The following LYPLAL1 variants were observed in gnomAD, a reference collection of about 807,000 sequenced individuals.
LYPLAL1 encodes the protein lysophospholipase-like protein 1.
Under a neutral mutation model 19.7 loss-of-function variants are expected in LYPLAL1, and 23 were observed. The ratio of observed to expected loss-of-function variants is 1.17; its 90% CI spans 0.84 to 1.65. The LOEUF (loss-of-function observed/expected upper bound fraction) is 1.65, where lower values mean the gene tolerates loss of function less well. Ranked by LOEUF, LYPLAL1 falls within the 40% of genes most tolerant of loss-of-function variation. The pLI is 0.00. For synonymous variants in LYPLAL1, 119 were observed against 96.3 expected, an observed-to-expected ratio of 1.24 and a Z score of -1.38; for missense variants, 355 against 279.4, an observed-to-expected ratio of 1.27 and a Z score of -1.93.
downstream of LYPLAL1, among the ~76,000 whole-genome samples, chr1:219,217,423 ATCTT>A (rs536952732): frequency 0.015 from 1,037 of 69,054 alleles, 4 homozygotes; most frequent in Non-Finnish European, 0.024. Context: ...ATGGTTGTAA[ATCTT>A]TCTTCACGGA....
intron 3 of LYPLAL1, among the ~76,000 whole-genome samples, chr1:219,205,976 A>T (rs769803103): frequency 3.9e-5 from 6 of 152,158 alleles, no homozygotes; most frequent in Non-Finnish European, 5.9e-5. Flanking sequence ...TAATTTCTGT[A>T]TTCCCAAATC....
At chr1:219,340,313 G>A in the LYPLAL1 span, among the ~76,000 whole-genome samples, 1 of 151,952 alleles carries the variant, frequency 6.6e-6, no homozygotes, top group Non-Finnish European at 1.5e-5. Flanking sequence ...AATATTACAG[G>A]TGCCACAGTC....
the LYPLAL1 span, among the ~76,000 whole-genome samples, chr1:219,385,056 G>A: frequency 2.7e-3 from 415 of 152,258 alleles, no homozygotes; most frequent in Admixed American, 5.2e-3. Flanking sequence ...TCTGCAGGTG[G>A]TGGTGGGGGA....
chr1:219,304,768 T>C, the LYPLAL1 span, among the ~76,000 whole-genome samples: 14 of 152,076 alleles, frequency 9.2e-5, no homozygotes, highest in Admixed American at 6.5e-4. Context: ...TGAAAACACA[T>C]ATTGAGATGC....
chr1:219,282,991 G>A, the LYPLAL1 span, among the ~76,000 whole-genome samples: 1 of 152,120 alleles, frequency 6.6e-6, no homozygotes, highest in East Asian at 1.9e-4. Flanking sequence ...CTCTAAGAAA[G>A]AGAGAAGTGG....
chr1:219,430,009 C>G, the LYPLAL1 span, among the ~76,000 whole-genome samples: 1 of 152,096 alleles, frequency 6.6e-6, no homozygotes, highest in Non-Finnish European at 1.5e-5. Context: ...GTGCTCTTGT[C>G]TAGGTCAGAC....
the LYPLAL1 span, among the ~76,000 whole-genome samples, chr1:219,306,739 T>C: frequency 7.6e-6 from 1 of 131,174 alleles, no homozygotes; most frequent in Non-Finnish European, 1.6e-5. Flanking sequence ...GACAGACAGA[T>C]GCATAGATAG....
At chr1:219,232,853 T>A in the LYPLAL1 span, among the ~76,000 whole-genome samples, 1 of 143,400 alleles carries the variant, frequency 7.0e-6, no homozygotes, top group Non-Finnish European at 1.5e-5. Flanking sequence ...TCTGATAGGA[T>A]GGCTACTATT....
the LYPLAL1 span, among the ~76,000 whole-genome samples, chr1:219,367,195 G>A: frequency 6.6e-6 from 1 of 151,984 alleles, no homozygotes; most frequent in Admixed American, 6.6e-5. Flanking sequence ...TCTATTTATA[G>A]CACTCTGATT....
At chr1:219,374,816 A>C in the LYPLAL1 span, among the ~76,000 whole-genome samples, 2 of 152,200 alleles carry the variant, frequency 1.3e-5, no homozygotes, top group Non-Finnish European at 2.9e-5. Flanking sequence ...ATGAGAATAC[A>C]GTTTCTTCAT....
the LYPLAL1 span, among the ~76,000 whole-genome samples, chr1:219,374,668 TC>T: frequency 1.3e-5 from 2 of 152,346 alleles, no homozygotes; most frequent in South Asian, 2.1e-4. Context: ...ATCTCATTGT[TC>T]CTATAGACAT....
intron 3 of LYPLAL1, among the ~76,000 whole-genome samples, chr1:219,206,644 A>G (rs1417546851): frequency 6.6e-6 from 1 of 151,962 alleles, no homozygotes; most frequent in Non-Finnish European, 1.5e-5. Context: ...AGAATTAAAC[A>G]TGAAGTTAAA....
chr1:219,266,507 A>G, the LYPLAL1 span, among the ~76,000 whole-genome samples: 1 of 151,978 alleles, frequency 6.6e-6, no homozygotes, highest in African/African-American at 2.4e-5. Context: ...TTCACAGTTA[A>G]CTTTTTTTTT....
chr1:219,248,092 A>G, the LYPLAL1 span, among the ~76,000 whole-genome samples: 1 of 152,188 alleles, frequency 6.6e-6, no homozygotes, highest in Admixed American at 6.5e-5. Context: ...AAATCAGAGA[A>G]AAGTATTACT....
the LYPLAL1 span, among the ~76,000 whole-genome samples, chr1:219,360,461 C>G: frequency 2.0e-5 from 3 of 152,096 alleles, no homozygotes; most frequent in African/African-American, 7.2e-5. Flanking sequence ...AAAGATCTGC[C>G]TCCCATATGA....
At chr1:219,322,858 A>C in the LYPLAL1 span, among the ~76,000 whole-genome samples, 4 of 152,212 alleles carry the variant, frequency 2.6e-5, no homozygotes, top group Non-Finnish European at 4.4e-5. Context: ...AGAAAATCTT[A>C]AGTTAGTTTC....
rs75126908 is a variant in LYPLAL1 at position 219,194,421 on chromosome 1, C to T, written c.361+1170C>T. 4.6e-3 allele frequency among the ~76,000 whole-genome samples: 692 copies of T among 151,964 alleles called. 5 individuals carry two copies. Among genetic ancestry groups the T allele is most frequent in the South Asian group, 0.023 (113 of 4,818 alleles). On this transcript the variant is annotated intron_variant, in intron 3 of 4. Coordinates refer to ENST00000366928, the MANE Select transcript of LYPLAL1 (RefSeq NM_138794.5). ...AATCTTTAGCAAGTATTTTTTAAGT[C>T]CCCACTATGTGCTACGCATTATTAT...
At chr1:219,273,271 T>G in the LYPLAL1 span, 141 of 152,338 alleles carry the variant, frequency 9.3e-4, no homozygotes, top group African/African-American at 3.2e-3. Context: ...TGCAATAAAA[T>G]AGCAGTTTGA....
chr1:219,311,008 C>T, the LYPLAL1 span, among the ~76,000 whole-genome samples: 1 of 152,206 alleles, frequency 6.6e-6, no homozygotes, highest in East Asian at 1.9e-4. Context: ...TAAATATTCA[C>T]TTTCATTGTC....
Sources: gnomAD v4.1 joint callset for allele counts (sites outside exome capture counted in the v4.1 genomes callset) on GRCh38, gnomAD v4.1.1 for gene constraint, MANE v1.5 for transcripts, NCBI Gene and HGNC (gene_info 2026-07-23, HGNC 2026-07-21) for gene names.